DDX17: variants seen among roughly 807,000 people sequenced by gnomAD.
DDX17 encodes the protein DEAD-box helicase 17.
DDX17 carries 10 observed loss-of-function variants against 80.8 expected under a neutral mutation model. The observed-to-expected ratio is 0.12, with a 90% CI of 0.08 to 0.21. The LOEUF is 0.21. Ranked by LOEUF, DDX17 falls within the 10% of genes least tolerant of loss-of-function variation. The probability of loss-of-function intolerance (pLI) is 1.00; values close to 1 mark genes in which losing one functional copy is unlikely to be tolerated. For missense variants in DDX17, 586 were observed against 957.4 expected, an observed-to-expected ratio of 0.61 and a Z score of 5.12; for synonymous variants, 339 against 336.2, an observed-to-expected ratio of 1.01 and a Z score of -0.09.
Position 38,486,415 on chromosome 22 carries a change from A to C in DDX17, c.1710T>G (p.Thr570=). 6.2e-7 allele frequency: 1 copy of C among 1,612,014 alleles called. No homozygotes were observed. The highest frequency in any genetic ancestry group is 1.1e-5 in the South Asian group (1 of 90,832). The change falls in exon 13 of 13, where the codon ACT becomes ACG. Residue 570 remains threonine (T), a synonymous_variant. Transcript: ENST00000403230. ...TCAGATTGGGATTGTTGGCTGAAGA[A>C]GTGGTCCGGTAACGAGAACGACCAC...
At chr22:38,502,464 G>A (rs1054153865) in intron 1 of DDX17, among the ~76,000 whole-genome samples, 8 of 146,908 alleles carry the variant, frequency 5.4e-5, no homozygotes, top group Admixed American at 1.4e-4. Flanking sequence ...CTTCTTCTTT[G>A]ATCTCTACTT....
At position 38,489,641 on chromosome 22, in the gene DDX17, G is replaced by T; in HGVS notation, c.1448-1526C>A. On this transcript the variant is annotated intron_variant, in intron 11 of 12. Transcript: ENST00000403230. This position sits in a 1 kb window ranked among gnomAD's most constrained non-coding sequence, Gnocchi z 4.6. Reference sequence around the variant, plus strand: ...GGAGATTAAAAAAAAAAAATTAGCTGTTGTTACAGGGCTTGTGAAGAAGGG... The same window carrying T: ...GGAGATTAAAAAAAAAAAATTAGCTTTTGTTACAGGGCTTGTGAAGAAGGG... 1.0e-6 allele frequency: 1 copy of T among 985,092 alleles called. No homozygotes were observed. The highest frequency in any genetic ancestry group is 1.2e-6 in the Non-Finnish European group (1 of 829,760). 61.0% of individuals were successfully genotyped at this position (985,092 alleles called of 1,614,324 possible).
chr22:38,502,245 T>G (rs188455422), intron 1 of DDX17, among the ~76,000 whole-genome samples: 1 of 152,138 alleles, frequency 6.6e-6, no homozygotes, highest in African/African-American at 2.4e-5. Flanking sequence ...ACCCTGTCTC[T>G]TACTAAAAAC....
chr22:38,495,587 G>A (rs550487541), intron 6 of DDX17, among the ~76,000 whole-genome samples: 1 of 152,110 alleles, frequency 6.6e-6, no homozygotes, highest in Non-Finnish European at 1.5e-5. Context: ...AACCATGTCA[G>A]GACTTATGTA....
intron 4 of DDX17, 113 bp downstream of exon 4, chr22:38,498,327 A>T: frequency 6.8e-7 from 1 of 1,468,242 alleles, no homozygotes; most frequent in Non-Finnish European, 9.3e-7. Context: ...TAATAACTAA[A>T]ATAGTATCTA....
chr22:38,497,196 C>T (rs138447), intron 5 of DDX17, among the ~76,000 whole-genome samples: 144,138 of 151,036 alleles, frequency 0.95, 68,880 homozygotes, highest in Admixed American at 0.98. Context: ...CTTGGGAAGC[C>T]GAGACAGGAG....
chr22:38,505,599 G>A (rs196099), intron 1 of DDX17: 3,612 of 245,940 alleles, frequency 0.015, 124 homozygotes, highest in African/African-American at 0.073. Context: ...CAGCCCGCCC[G>A]AAGCGGCCCG....
At position 38,484,971 on chromosome 22, in the gene DDX17, T is replaced by C. The variant is rs1027421871; in HGVS notation, c.*964A>G. 16 of 152,386 alleles carry C rather than the reference T, an allele frequency of 1.0e-4. No homozygotes were observed. In the East Asian group the frequency reaches 2.7e-3, roughly 26 times the overall value. The allele number at this position is 152,386 out of a possible 1,614,324, so 9.4% of individuals were successfully genotyped here. On this transcript the variant is annotated 3_prime_UTR_variant, in exon 13 of 13. Coordinates refer to ENST00000403230, the MANE Select transcript of DDX17 (RefSeq NM_006386.5). ...CTTTTAATCTAGCTCTACACTGCAT[T>C]TGAAAATAAAATTTGCCCATTTTGA...
intron 5 of DDX17, 42 bp from the exon 6 acceptor site, chr22:38,495,979 TAAAAA>T (rs201173235): frequency 1.3e-4 from 107 of 803,750 alleles, no homozygotes; most frequent in East Asian, 1.8e-4. Context: ...ATCCAAGGTT[TAAAAA>T]AAAAAAAAAA....
rs1213032162 is a variant in DDX17 at position 38,498,695 on chromosome 22, TTTTC to T, written c.539-126_539-123del. 16 of 1,083,586 alleles carry T rather than the reference TTTTC, an allele frequency of 1.5e-5. No individual in the cohort carries two copies. In the African/African-American group the frequency reaches 2.4e-4, roughly 16 times the overall value. 67.1% of individuals were successfully genotyped at this position (1,083,586 alleles called of 1,614,324 possible). A position where few individuals can be genotyped will look rare whatever the true frequency, so the allele number is the denominator to read the frequency against. On this transcript the variant is annotated intron_variant, in intron 3 of 12. Transcript: ENST00000403230. The stretch of plus-strand genomic sequence containing the variant: ...CCCAGCTTCATCTCTCCAAAGTGCT[TTTTC>T]TTTATCTACTAGATCTCCGACCAAC...
At chr22:38,494,588 G>C (rs1569139561) in intron 8 of DDX17, 42 bp downstream of exon 8, 4 of 1,592,268 alleles carry the variant, frequency 2.5e-6, no homozygotes, top group East Asian at 2.2e-5. Flanking sequence ...ATTAGAAAAG[G>C]TTTATCAGCA....
chr22:38,493,103 T>C (rs1014858386), intron 10 of DDX17, among the ~76,000 whole-genome samples: 4 of 152,152 alleles, frequency 2.6e-5, no homozygotes, highest in African/African-American at 4.8e-5. Context: ...CAATCAACTA[T>C]ACAACAGGGG....
In DDX17 at chr22:38,485,858, A is replaced by G. The variant is rs746605714; in HGVS notation, c.*77T>C. 1.3e-6 allele frequency: 2 copies of G among 1,495,266 alleles called. No individual in the cohort carries two copies. Among genetic ancestry groups the G allele is most frequent in the Admixed American group, 2.5e-5 (1 of 39,700 alleles). 92.6% of individuals were successfully genotyped at this position (1,495,266 alleles called of 1,614,324 possible). The stretch of plus-strand genomic sequence containing the variant: ...AAAAAGGAAAAAAAAAGAAAAGGCG[A>G]AGAGGAAAAAAAAAGGAAAGACAGT... On this transcript the variant is annotated 3_prime_UTR_variant, in exon 13 of 13. Transcript: ENST00000403230.
In DDX17 at chr22:38,506,249, C is replaced by A; in HGVS notation, c.-12G>T. The A allele has an allele frequency of 6.3e-7, 1 of 1,595,792 alleles. No homozygotes were observed. Among genetic ancestry groups the A allele is most frequent in the Non-Finnish European group, 8.5e-7 (1 of 1,172,654 alleles). On this transcript the variant is annotated 5_prime_UTR_variant, in exon 1 of 13. Transcript: ENST00000403230. ...AAGCCGGTGGGCAGGTTTGGCTACG[C>A]TCAAACCGGGCAGTGCCGCGGTTTA...
Position 38,489,557 on chromosome 22 carries a change from C to T in DDX17, c.1448-1442G>A. On this transcript the variant is annotated intron_variant, in intron 11 of 12. Coordinates refer to ENST00000403230, the MANE Select transcript of DDX17 (RefSeq NM_006386.5). This position sits in a 1 kb window ranked among gnomAD's most constrained non-coding sequence, Gnocchi z 4.6. The stretch of plus-strand genomic sequence containing the variant: ...AATTAATAAAAAAAAATGTAAGTTA[C>T]ATCCAAAGGGTCAGACTGCATCTAT... 9 of 984,700 alleles carry T rather than the reference C, an allele frequency of 9.1e-6. No individual in the cohort carries two copies. Among genetic ancestry groups the T allele is most frequent in the Non-Finnish European group, 1.1e-5 (9 of 829,570 alleles). The allele number at this position is 984,700 out of a possible 1,614,324, so 61.0% of individuals were successfully genotyped here. A position where few individuals can be genotyped will look rare whatever the true frequency, so the allele number is the denominator to read the frequency against.
intron 10 of DDX17, among the ~76,000 whole-genome samples, chr22:38,492,539 T>C (rs908080415): frequency 3.3e-5 from 5 of 152,172 alleles, no homozygotes; most frequent in Admixed American, 2.6e-4. Context: ...GAGGCTGGAG[T>C]GCAGTGGCGC....
At chr22:38,494,359 AGAT>A (rs2089740939) in intron 8 of DDX17, 1 of 586,934 alleles carries the variant, frequency 1.7e-6, no homozygotes, top group African/African-American at 1.9e-5. Context: ...CCCATTTCAC[AGAT>A]GAAGAAACTG....
Position 38,489,943 on chromosome 22 carries a change from A to T in DDX17, c.1448-1828T>A. ...TGACCATGGCAGTAGAACAAGTTCA[A>T]TTACTACACTGGATGCGTTAAGTGT... On this transcript the variant is annotated intron_variant, in intron 11 of 12. Transcript: ENST00000403230. The surrounding 1 kb of genome is among the most constrained non-coding windows in gnomAD (Gnocchi z 4.6). 1.0e-6 allele frequency: 1 copy of T among 998,842 alleles called. No individual in the cohort carries two copies. Among genetic ancestry groups the T allele is most frequent in the South Asian group, 4.3e-5 (1 of 23,212 alleles). 61.9% of individuals were successfully genotyped at this position (998,842 alleles called of 1,614,324 possible).
chr22:38,496,477 G>A lies in DDX17; in HGVS notation c.739-540C>T, dbSNP rs548167568. 2.6e-5 allele frequency among the ~76,000 whole-genome samples: 4 copies of A among 152,332 alleles called. No individual in the cohort carries two copies. The East Asian group carries it at 7.7e-4, about 29-fold the overall frequency. On this transcript the variant is annotated intron_variant, in intron 5 of 12. Coordinates refer to ENST00000403230, the MANE Select transcript of DDX17 (RefSeq NM_006386.5). ...ATTCTCCTGCGCCTCAGCCTCCTGA[G>A]TAGCTGGGACTAGAGGCAGGCACCA...
Sources: gnomAD v4.1 joint callset for allele counts (sites outside exome capture counted in the v4.1 genomes callset) on GRCh38, gnomAD v4.1.1 for gene constraint, Gnocchi (gnomAD v3.1) non-coding constraint, MANE v1.5 for transcripts, NCBI Gene and HGNC (gene_info 2026-07-23, HGNC 2026-07-21) for gene names.